TAF5: variants seen among roughly 807,000 people sequenced by gnomAD.
The protein encoded by TAF5 is TATA-box binding protein associated factor 5, also known as transcription initiation factor TFIID subunit 5.
A neutral mutation model predicts 80.9 loss-of-function variants in TAF5; 20 were observed. The ratio of observed to expected loss-of-function variants is 0.25; its 90% CI spans 0.17 to 0.36. The LOEUF is 0.36. Ranked by LOEUF, TAF5 falls within the 10% of genes least tolerant of loss-of-function variation. TAF5 has a pLI of 1.00. For missense variants in TAF5, 863 were observed against 1,029.4 expected (o/e 0.84, Z 2.21); for synonymous variants, 388 against 406.4 (o/e 0.95, Z 0.55).
Position 103,368,145 on chromosome 10 carries a change from G to A in TAF5, c.156G>A (p.Ala52=), listed in dbSNP as rs747214067. The change falls in exon 1 of 11, where the codon GCG becomes GCA. Residue 52 remains alanine (A), a synonymous_variant. Coordinates refer to ENST00000369839, the MANE Select transcript of TAF5 (RefSeq NM_006951.5). ...NGPNGGGGNV[A]ASSSTGGDGG... ...CCAACGGCGGCGGCGGGAACGTTGC[G>A]GCGTCGTCGTCCACTGGCGGGGATG... 1.6e-5 allele frequency: 23 copies of A among 1,395,524 alleles called. No homozygotes were observed. The South Asian group carries it at 3.3e-4, about 20-fold the overall frequency. 86.4% of individuals were successfully genotyped at this position (1,395,524 alleles called of 1,614,324 possible).
rs1034610537 is a variant in TAF5 at position 103,378,691 on chromosome 10, CTT to C, written c.1113+142_1113+143del. On this transcript the variant is annotated intron_variant, in intron 3 of 10. Coordinates refer to ENST00000369839, the MANE Select transcript of TAF5 (RefSeq NM_006951.5). The surrounding 1 kb of genome is among the most constrained non-coding windows in gnomAD (Gnocchi z 4.1). ...GTTTGTTTTGAGACGGAGTTTTGCT[CTT>C]GTCACCCAAGCTGGAGTGCAGTGGC... 9.9e-5 allele frequency: 98 copies of C among 985,076 alleles called. No homozygotes were observed. The highest frequency in any genetic ancestry group is 1.5e-4 in the South Asian group (9 of 58,644). 61.0% of individuals were successfully genotyped at this position (985,076 alleles called of 1,614,324 possible). A position where few individuals can be genotyped will look rare whatever the true frequency, so the allele number is the denominator to read the frequency against.
intron 5 of TAF5, among the ~76,000 whole-genome samples, 173 bp downstream of exon 5, chr10:103,380,192 G>T (rs1027349937): frequency 6.6e-6 from 1 of 151,250 alleles, no homozygotes; most frequent in Admixed American, 6.6e-5. Context: ...GCAGTGGCGC[G>T]ATCTCAGCTC....
rs775433169 is a variant in TAF5, at chr10:103,388,150, C to T, written c.2330C>T (p.Ser777Leu). 1.2e-6 allele frequency: 2 copies of T among 1,614,048 alleles called. No individual in the cohort carries two copies. The highest frequency in any genetic ancestry group is 2.2e-5 in the South Asian group (2 of 91,072). ...ELLLGTYMTKSTPVVHLHFTR... is the reference protein window; with the variant it reads ...ELLLGTYMTKLTPVVHLHFTR... ...TTGTTGGGAACATATATGACCAAATCAACACCAGTTGTACACCTTCATTTT... is the reference window on the plus strand; with the variant it reads ...TTGTTGGGAACATATATGACCAAATTAACACCAGTTGTACACCTTCATTTT... Residue 777 changes from serine to leucine, a missense_variant, in exon 11 of 11, where the codon TCA becomes TTA. By Grantham distance (145) the Ser-to-Leu change is moderately radical. Transcript: ENST00000369839.
rs1011652842 is a variant in TAF5, at chr10:103,373,271, C to G, written c.560-87C>G. 82 of 993,544 alleles carry G rather than the reference C, an allele frequency of 8.3e-5. 1 individual carries two copies. Among genetic ancestry groups the G allele is most frequent in the Non-Finnish European group, 1.2e-4 (80 of 658,566 alleles). The allele number at this position is 993,544 out of a possible 1,614,324, so 61.5% of individuals were successfully genotyped here. On this transcript the variant is annotated intron_variant, in intron 1 of 10. Transcript: ENST00000369839. The stretch of plus-strand genomic sequence containing the variant: ...AAGAAAGAGACAACAGTCTGAGAAA[C>G]AACTCACCTGTGGGCTTTAACAATA...
rs765303136 is a variant in TAF5 at position 103,374,281 on chromosome 10, G to C, written c.797+686G>C. 2.0e-4 allele frequency among the ~76,000 whole-genome samples: 31 copies of C among 152,190 alleles called. No individual in the cohort carries two copies. The highest frequency in any genetic ancestry group is 1.9e-3 in the Admixed American group (29 of 15,278). ...AGAGGTTTAAATACAATAAAAGTTT[G>C]TTTATTTTTCTCGTAAATGTGGGAC... On this transcript the variant is annotated intron_variant, in intron 2 of 10. Coordinates refer to ENST00000369839, the MANE Select transcript of TAF5 (RefSeq NM_006951.5). The surrounding 1 kb of genome is among the most constrained non-coding windows in gnomAD (Gnocchi z 4.3).
At chr10:103,376,403 G>A (rs1275241194) in intron 2 of TAF5, among the ~76,000 whole-genome samples, 5 of 152,000 alleles carry the variant, frequency 3.3e-5, no homozygotes, top group African/African-American at 1.2e-4. Flanking sequence ...AATGAGAAAT[G>A]TTTAATACAA....
At position 103,377,672 on chromosome 10, in the gene TAF5, A is replaced by G. The variant is rs367677220; in HGVS notation, c.798-563A>G. Among the ~76,000 whole-genome samples the G allele has an allele frequency of 9.2e-5, 14 of 152,342 alleles. No homozygotes were observed. In the South Asian group the frequency reaches 1.0e-3, roughly 11 times the overall value. On this transcript the variant is annotated intron_variant, in intron 2 of 10. Transcript: ENST00000369839. ...TGTTGTTTAGTGATCATATTAAAGTATTGATATTTTAAAAATGTCTGGTAC... is the reference window on the plus strand; with the variant it reads ...TGTTGTTTAGTGATCATATTAAAGTGTTGATATTTTAAAAATGTCTGGTAC...
At position 103,387,167 on chromosome 10, in the gene TAF5, TATA is replaced by T; in HGVS notation, c.1830-6_1830-4del. ...TGTCATCTTTTGCTTTCAATAACTT[TATA>T]AAAGGCTCTGGGCTACAGACCACTA... On this transcript the variant is annotated splice_region_variant and splice_polypyrimidine_tract_variant and intron_variant, in intron 8 of 10. Transcript: ENST00000369839. 1.9e-6 allele frequency: 3 copies of T among 1,601,506 alleles called. No homozygotes were observed. Among genetic ancestry groups the T allele is most frequent in the Non-Finnish European group, 2.6e-6 (3 of 1,173,154 alleles).
intron 2 of TAF5, among the ~76,000 whole-genome samples, chr10:103,377,100 G>T (rs1294736533): frequency 3.3e-5 from 5 of 152,136 alleles, no homozygotes; most frequent in African/African-American, 4.8e-5. Flanking sequence ...AGGCTGCATT[G>T]AACCACTGCA....
chr10:103,371,258 AAAG>A (rs892332395), intron 1 of TAF5, among the ~76,000 whole-genome samples: 8 of 151,860 alleles, frequency 5.3e-5, no homozygotes, highest in Non-Finnish European at 8.8e-5. Context: ...AAAAAAAAAA[AAAG>A]AGAGAGGAAT....
chr10:103,379,389 G>A (rs966410457), intron 3 of TAF5, among the ~76,000 whole-genome samples: 1 of 152,272 alleles, frequency 6.6e-6, no homozygotes, highest in Non-Finnish European at 1.5e-5. Flanking sequence ...AAGGGAGCCT[G>A]GGAACAGAAA....
In TAF5 at chr10:103,385,423, G is replaced by A. The variant is rs778048333; in HGVS notation, c.1762G>A (p.Val588Ile). 4.3e-6 allele frequency: 7 copies of A among 1,614,064 alleles called. No homozygotes were observed. The highest frequency in any genetic ancestry group is 5.9e-6 in the Non-Finnish European group (7 of 1,180,016). ...LVGYKGHNYP[V>I]WDTQFSPYGY... ...GGGATATAAAGGACACAACTATCCA[G>A]TATGGGACACACAATTTTCTCCATA... Residue 588 changes from valine (V) to isoleucine (I), a missense_variant, in exon 8 of 11, where the codon GTA becomes ATA. Around this residue, in one of 3 missense-constraint regions of TAF5, gnomAD observed 368 missense variants for 461.7 expected, o/e 0.80. Coordinates refer to ENST00000369839, the MANE Select transcript of TAF5 (RefSeq NM_006951.5).
chr10:103,386,964 G>T (rs558004836), intron 8 of TAF5, among the ~76,000 whole-genome samples: 41 of 145,704 alleles, frequency 2.8e-4, no homozygotes, highest in African/African-American at 9.3e-4. Context: ...TGCCTGGCAA[G>T]ACCTCAGCTT....
chr10:103,385,936 AAAAAAAAAAAAAAAAG>A (rs1436165735), intron 8 of TAF5, among the ~76,000 whole-genome samples: 2 of 150,878 alleles, frequency 1.3e-5, no homozygotes, highest in African/African-American at 2.4e-5. Context: ...AAAAAAAAAA[AAAAAAAAAAAAAAAAG>A]AAAAGAAATT....
intron 1 of TAF5, among the ~76,000 whole-genome samples, chr10:103,369,236 C>A (rs1006402193): frequency 1.3e-5 from 2 of 152,146 alleles, no homozygotes; most frequent in African/African-American, 4.8e-5. Flanking sequence ...GCCTCGGCCT[C>A]CTACAGTGCT....
intron 7 of TAF5, 88 bp downstream of exon 7, chr10:103,383,455 G>A: frequency 7.7e-7 from 1 of 1,294,498 alleles, no homozygotes; most frequent in Non-Finnish European, 1.0e-6. Flanking sequence ...TGCAAATGCT[G>A]GGAAAATTCT....
At chr10:103,371,891 T>C (rs1008368724) in intron 1 of TAF5, among the ~76,000 whole-genome samples, 1 of 152,144 alleles carries the variant, frequency 6.6e-6, no homozygotes, top group African/African-American at 2.4e-5. Context: ...TTTATACAAT[T>C]TGTCTTTAAC....
chr10:103,375,168 T>C (rs1463108037), intron 2 of TAF5, among the ~76,000 whole-genome samples: 1 of 151,040 alleles, frequency 6.6e-6, no homozygotes, highest in South Asian at 2.1e-4. Flanking sequence ...TTTTTGGTTG[T>C]CATAATGACT....
intron 1 of TAF5, among the ~76,000 whole-genome samples, chr10:103,369,393 C>T (rs1050400477): frequency 6.6e-6 from 1 of 151,364 alleles, no homozygotes; most frequent in Admixed American, 6.6e-5. Context: ...GAGTCTTGCT[C>T]TGTCGCCCAG....
Sources: allele counts gnomAD v4.1 joint callset (sites outside exome capture counted in the v4.1 genomes callset), GRCh38; gene constraint gnomAD v4.1.1; regional missense constraint gnomAD v4.1.1; non-coding constraint Gnocchi (gnomAD v3.1); transcripts MANE v1.5; gene names NCBI Gene and HGNC (gene_info 2026-07-23, HGNC 2026-07-21).